Variants in LINGO2 observed in about 807,000 individuals in gnomAD.
LINGO2 encodes the protein leucine rich repeat and Ig domain containing 2, also known as leucine-rich repeat and immunoglobulin-like domain-containing nogo receptor-interacting protein 2.
Under a neutral mutation model 30.6 loss-of-function variants are expected in LINGO2, and 14 were observed. The ratio of observed to expected loss-of-function variants is 0.46; its 90% CI spans 0.30 to 0.72. The LOEUF is 0.72. LINGO2 is among the 30% of genes least tolerant of loss of function. The pLI is 0.07. For missense variants in LINGO2, 729 were observed against 751.7 expected (o/e 0.97, Z 0.35); for synonymous variants, 317 against 288.5 (o/e 1.10, Z -1.00).
chr9:28,931,392 G>A, the LINGO2 span, among the ~76,000 whole-genome samples: 3 of 152,130 alleles, frequency 2.0e-5, no homozygotes, highest in Non-Finnish European at 4.4e-5. Context: ...ACACCACCAT[G>A]AGCATTTCTG....
chr9:28,613,141 G>A (rs953906820), intron 1 of LINGO2, among the ~76,000 whole-genome samples: 2 of 152,092 alleles, frequency 1.3e-5, no homozygotes, highest in Non-Finnish European at 2.9e-5. Flanking sequence ...CGCAGCCACG[G>A]TGAACTGTGA....
Position 28,474,588 on chromosome 9 carries a change from T to C in LINGO2, c.-279+1352A>G, listed in dbSNP as rs191343308. 5.3e-5 allele frequency among the ~76,000 whole-genome samples: 8 copies of C among 152,354 alleles called. No individual in the cohort carries two copies. The East Asian group carries it at 1.5e-3, about 29-fold the overall frequency. On this transcript the variant is annotated intron_variant, in intron 2 of 5. Transcript: ENST00000379992. ...TTATAATTTTTGTCATTTTTCATTTTTCTTGCACCAGTTTCATTTTAACAA... is the reference window on the plus strand; with the variant it reads ...TTATAATTTTTGTCATTTTTCATTTCTCTTGCACCAGTTTCATTTTAACAA...
intron 5 of LINGO2, among the ~76,000 whole-genome samples, chr9:27,965,137 A>G (rs1820035885): frequency 6.6e-6 from 1 of 152,074 alleles, no homozygotes; most frequent in Non-Finnish European, 1.5e-5. Context: ...GATTCCATAT[A>G]ATCCTGTTGA....
the LINGO2 span, among the ~76,000 whole-genome samples, chr9:28,863,309 G>C: frequency 6.6e-6 from 1 of 152,160 alleles, no homozygotes; most frequent in East Asian, 1.9e-4. Flanking sequence ...TTAAGGGGCT[G>C]ATTCAATTAA....
chr9:28,380,623 T>C (rs1358950932), intron 2 of LINGO2, among the ~76,000 whole-genome samples: 2 of 151,930 alleles, frequency 1.3e-5, no homozygotes, highest in Non-Finnish European at 2.9e-5. Context: ...AAACACCATA[T>C]CGTGGAGGTC....
intron 4 of LINGO2, among the ~76,000 whole-genome samples, chr9:28,289,806 G>A (rs550727315): frequency 1.7e-4 from 26 of 151,992 alleles, no homozygotes; most frequent in African/African-American, 6.3e-4. Flanking sequence ...CTCCCTTTTT[G>A]GAAATAGTAC....
At chr9:28,185,580 T>C (rs1819512226) in intron 4 of LINGO2, among the ~76,000 whole-genome samples, 1 of 152,204 alleles carries the variant, frequency 6.6e-6, no homozygotes, top group South Asian at 2.1e-4. Context: ...TCCAAGAAAG[T>C]CTTCACTCCC....
chr9:28,090,235 T>C lies in LINGO2; in HGVS notation c.-86-77830A>G, dbSNP rs1826038373. Among the ~76,000 whole-genome samples, 3 of 152,038 alleles carry C rather than the reference T, an allele frequency of 2.0e-5. No homozygotes were observed. In the South Asian group the frequency reaches 6.2e-4, roughly 32 times the overall value. The stretch of plus-strand genomic sequence containing the variant: ...TTATGAGGCCAGCATCATCCTAATA[T>C]CAAAGCCTGACAGAAACACAACAAA... On this transcript the variant is annotated intron_variant, in intron 4 of 5. Transcript: ENST00000379992.
the LINGO2 span, among the ~76,000 whole-genome samples, chr9:29,021,816 C>CT: frequency 6.6e-6 from 1 of 151,894 alleles, no homozygotes; most frequent in Non-Finnish European, 1.5e-5. Flanking sequence ...TGTTTGCCTT[C>CT]TTTTTTAATA....
chr9:28,037,425 G>A (rs1377062732), intron 4 of LINGO2, among the ~76,000 whole-genome samples: 1 of 151,878 alleles, frequency 6.6e-6, no homozygotes, highest in East Asian at 1.9e-4. Context: ...TTTTCCTGTT[G>A]GGCTGCTATT....
intron 4 of LINGO2, among the ~76,000 whole-genome samples, chr9:28,174,919 TGTGA>T (rs757520547): frequency 0.049 from 7,006 of 142,184 alleles, 211 homozygotes; most frequent in Admixed American, 0.087. Context: ...TGTGTGTGTG[TGTGA>T]GAGAGAGAGA....
At position 27,957,439 on chromosome 9, in the gene LINGO2, A is replaced by C. The variant is rs144797302; in HGVS notation, c.-35-6733T>G. Among the ~76,000 whole-genome samples, 381 of 152,138 alleles carry C rather than the reference A, an allele frequency of 2.5e-3. 2 individuals carry two copies. The highest frequency in any genetic ancestry group is 8.8e-3 in the African/African-American group (366 of 41,500). On this transcript the variant is annotated intron_variant, in intron 5 of 5. Transcript: ENST00000379992. ...CTCCCGAGTAGCTGGGATTACAGGC[A>C]TGTGTCACCAGGCCCAGCTATTTTT...
the LINGO2 span, among the ~76,000 whole-genome samples, chr9:28,952,688 C>T: frequency 5.8e-3 from 886 of 152,226 alleles, 12 homozygotes; most frequent in African/African-American, 0.02. Flanking sequence ...CACCAACTGT[C>T]AGACAGAGAA....
intron 2 of LINGO2, among the ~76,000 whole-genome samples, chr9:28,387,932 G>A (rs1215488936): frequency 6.6e-6 from 1 of 152,050 alleles, no homozygotes. Context: ...TAACACTCAC[G>A]GCGAGGGTCT....
the LINGO2 span, among the ~76,000 whole-genome samples, chr9:28,882,448 T>C: frequency 6.6e-6 from 1 of 152,184 alleles, no homozygotes; most frequent in East Asian, 1.9e-4. Context: ...TAGAACACTG[T>C]ATGCATTTAA....
the LINGO2 span, among the ~76,000 whole-genome samples, chr9:29,054,445 A>G: frequency 2.6e-5 from 4 of 152,136 alleles, no homozygotes. Flanking sequence ...AGAGCTTTTG[A>G]TCTTTTATAA....
intron 4 of LINGO2, among the ~76,000 whole-genome samples, chr9:28,091,145 T>C (rs1326664164): frequency 1.3e-5 from 2 of 152,166 alleles, no homozygotes; most frequent in Non-Finnish European, 2.9e-5. Flanking sequence ...TTGCCCAAGG[T>C]AATTTATAGA....
At chr9:28,632,635 T>C (rs1373891438) in intron 1 of LINGO2, among the ~76,000 whole-genome samples, 1 of 142,898 alleles carries the variant, frequency 7.0e-6, no homozygotes, top group East Asian at 2.0e-4. Context: ...TATATATTTT[T>C]ATATATATTT....
intron 4 of LINGO2, among the ~76,000 whole-genome samples, chr9:28,055,902 C>T (rs1901565): frequency 0.39 from 58,483 of 151,884 alleles, 11,859 homozygotes; most frequent in South Asian, 0.5. Context: ...GGCTGATTAC[C>T]ACGATTACTT....
Sources: gnomAD v4.1 joint callset for allele counts (sites outside exome capture counted in the v4.1 genomes callset) on GRCh38, gnomAD v4.1.1 for gene constraint, MANE v1.5 for transcripts, NCBI Gene and HGNC (gene_info 2026-07-23, HGNC 2026-07-21) for gene names.